COL11A1: variants seen among roughly 807,000 people sequenced by gnomAD.
The protein encoded by COL11A1 is collagen alpha-1(XI) chain.
A neutral mutation model predicts 265.2 loss-of-function variants in COL11A1; 74 were observed. The observed-to-expected ratio is 0.28, with a 90% CI of 0.23 to 0.34. The LOEUF is 0.34. Among genes scored for constraint, COL11A1 ranks in the 10% least tolerant of loss-of-function variants. COL11A1 has a pLI of 1.00. For synonymous variants in COL11A1, 816 were observed against 727.6 expected, an observed-to-expected ratio of 1.12 and a Z score of -1.96; for missense variants, 2,165 against 2,263.6, an observed-to-expected ratio of 0.96 and a Z score of 0.88.
intron 38 of COL11A1, among the ~76,000 whole-genome samples, chr1:102,965,198 G>T (rs1661290856): frequency 6.6e-6 from 1 of 152,004 alleles, no homozygotes; most frequent in Non-Finnish European, 1.5e-5. Context: ...TTAGTAGATG[G>T]TGTCATAGTC....
chr1:103,001,986 T>G lies in COL11A1; in HGVS notation c.2098-17A>C. 6.2e-7 allele frequency: 1 copy of G among 1,602,654 alleles called. No homozygotes were observed. The highest frequency in any genetic ancestry group is 8.5e-7 in the Non-Finnish European group (1 of 1,169,800). ...AGGAAGACCCTATTTTAAAAGAATT[T>G]ATTTCATATATCAGATATCAAATCA... is the stretch of plus-strand genomic sequence containing the variant. On this transcript the variant is annotated splice_polypyrimidine_tract_variant and intron_variant, in intron 23 of 66. Coordinates refer to ENST00000370096, the MANE Select transcript of COL11A1 (RefSeq NM_001854.4).
In COL11A1 at chr1:103,001,906, G is replaced by A; in HGVS notation, c.2142+19C>T. 6.2e-7 allele frequency: 1 copy of A among 1,611,976 alleles called. No individual in the cohort carries two copies. Among genetic ancestry groups the A allele is most frequent in the Non-Finnish European group, 8.5e-7 (1 of 1,178,180 alleles). ...CAAACATGTTCACCAGGCTTTACGAGAACAACAGAGTAACTTACTTTTTCA... is the reference window on the plus strand; with the variant it reads ...CAAACATGTTCACCAGGCTTTACGAAAACAACAGAGTAACTTACTTTTTCA... On this transcript the variant is annotated intron_variant, in intron 24 of 66. Coordinates refer to ENST00000370096, the MANE Select transcript of COL11A1 (RefSeq NM_001854.4).
chr1:102,911,269 T>C (rs1654638825), intron 54 of COL11A1, among the ~76,000 whole-genome samples: 1 of 152,160 alleles, frequency 6.6e-6, no homozygotes, highest in African/African-American at 2.4e-5. Context: ...TTTGTAAATA[T>C]TGATTCAAAT....
In COL11A1 at chr1:102,921,455, T is replaced by A. The variant is rs182349797; in HGVS notation, c.3708+63A>T. On this transcript the variant is annotated intron_variant, in intron 48 of 66. Coordinates refer to ENST00000370096, the MANE Select transcript of COL11A1 (RefSeq NM_001854.4). ...ATTGTTATAACTCACAAAGAGCATC[T>A]GCTATAAAATAACAATACCTATATA... 7.4e-5 allele frequency: 96 copies of A among 1,300,042 alleles called. 1 individual carries two copies. The Admixed American group carries it at 1.6e-3, about 21-fold the overall frequency. The allele number at this position is 1,300,042 out of a possible 1,614,324, so 80.5% of individuals were successfully genotyped here.
chr1:102,935,229 AG>A, intron 44 of COL11A1, 116 bp from the exon 45 acceptor site: 1 of 774,756 alleles, frequency 1.3e-6, no homozygotes, highest in South Asian at 1.6e-5. Context: ...TTGGAAAAAA[AG>A]AAGCATCACA....
chr1:103,018,786 T>C (rs761757182), intron 10 of COL11A1, 32 bp downstream of exon 10: 1 of 1,568,480 alleles, frequency 6.4e-7, no homozygotes, highest in Non-Finnish European at 8.8e-7. Context: ...TTACTTTAAA[T>C]AGACAAAAAT....
intron 57 of COL11A1, among the ~76,000 whole-genome samples, chr1:102,896,614 C>A (rs1332334919): frequency 1.3e-5 from 2 of 152,170 alleles, no homozygotes; most frequent in Non-Finnish European, 2.9e-5. Context: ...GTTTATCATT[C>A]CGCTTTACCT....
At chr1:102,979,848 C>T (rs937381678) in intron 31 of COL11A1, among the ~76,000 whole-genome samples, 1 of 151,992 alleles carries the variant, frequency 6.6e-6, no homozygotes, top group Non-Finnish European at 1.5e-5. Flanking sequence ...AATGTTTTTC[C>T]TGAATTAATA....
At chr1:103,103,745 G>A (rs1468324233) in intron 1 of COL11A1, among the ~76,000 whole-genome samples, 2 of 44,296 alleles carry the variant, frequency 4.5e-5, no homozygotes, top group African/African-American at 6.0e-5. Context: ...AATAGTTGTT[G>A]ATTGCACAAC....
chr1:102,928,179 A>C (rs567146284), intron 46 of COL11A1, among the ~76,000 whole-genome samples: 17 of 151,584 alleles, frequency 1.1e-4, no homozygotes, highest in South Asian at 4.2e-4. Context: ...ATACATGTGC[A>C]ATGCTGGTGT....
At chr1:103,069,193 T>C (rs1168831580) in intron 4 of COL11A1, among the ~76,000 whole-genome samples, 1 of 149,916 alleles carries the variant, frequency 6.7e-6, no homozygotes, top group East Asian at 1.9e-4. Context: ...AATCAAGATA[T>C]TATGGTAGTA....
rs200307064 is a variant in COL11A1, at chr1:102,987,743, G to T, written c.2395-3C>A. ...GGGCCAATTTGACCAACTTCTCCCTGAGGCACAGAATAACAACATTCTTAT... is the reference window on the plus strand; with the variant it reads ...GGGCCAATTTGACCAACTTCTCCCTTAGGCACAGAATAACAACATTCTTAT... On this transcript the variant is annotated splice_region_variant and splice_polypyrimidine_tract_variant and intron_variant, in intron 29 of 66. Transcript: ENST00000370096. 2.1e-5 allele frequency: 34 copies of T among 1,608,198 alleles called. No homozygotes were observed. Among genetic ancestry groups the T allele is most frequent in the African/African-American group, 2.7e-5 (2 of 74,850 alleles).
chr1:102,892,027 T>C (rs752654767), intron 57 of COL11A1, among the ~76,000 whole-genome samples: 1 of 152,124 alleles, frequency 6.6e-6, no homozygotes, highest in Non-Finnish European at 1.5e-5. Context: ...CTGTTGGAAG[T>C]GAAACTGATG....
At chr1:103,061,618 C>T (rs1346394465) in intron 4 of COL11A1, among the ~76,000 whole-genome samples, 2 of 151,928 alleles carry the variant, frequency 1.3e-5, no homozygotes, top group African/African-American at 2.4e-5. Context: ...ATACTTCTAA[C>T]TAATACATGG....
Position 102,878,475 on chromosome 1 carries a change from CAT to C in COL11A1, c.5275-312_5275-311del, listed in dbSNP as rs57574729. Among the ~76,000 whole-genome samples the C allele has an allele frequency of 3.0e-3, 148 of 49,864 alleles. 3 individuals are homozygous for C. The highest frequency in any genetic ancestry group is 6.6e-3 in the African/African-American group (120 of 18,192). The allele number at this position is 49,864 out of a possible 152,430, so 32.7% of individuals were successfully genotyped here. A position where few individuals can be genotyped will look rare whatever the true frequency, so the allele number is the denominator to read the frequency against. Reference sequence around the variant, plus strand: ...AAAATTGATGTTGGTATTGAATCCTCATATATATATATATATATATATATATA... The same window carrying C: ...AAAATTGATGTTGGTATTGAATCCTCATATATATATATATATATATATATA... On this transcript the variant is annotated intron_variant, in intron 66 of 66. Coordinates refer to ENST00000370096, the MANE Select transcript of COL11A1 (RefSeq NM_001854.4).
At chr1:102,882,051 A>G (rs190573627) in intron 64 of COL11A1, among the ~76,000 whole-genome samples, 2 of 152,244 alleles carry the variant, frequency 1.3e-5, no homozygotes, top group East Asian at 3.9e-4. Flanking sequence ...ACTAAGGGTT[A>G]TAGGGGACAT....
chr1:102,886,293 T>C (rs749878544), intron 63 of COL11A1, among the ~76,000 whole-genome samples: 1 of 152,158 alleles, frequency 6.6e-6, no homozygotes, highest in African/African-American at 2.4e-5. Flanking sequence ...TTGGAATATC[T>C]GTGGCTCAAT....
At chr1:103,009,251 T>G in intron 14 of COL11A1, among the ~76,000 whole-genome samples, 1 of 151,964 alleles carries the variant, frequency 6.6e-6, no homozygotes, top group Admixed American at 6.6e-5. Context: ...CCGTCTCTAC[T>G]AAAAATACAA....
intron 57 of COL11A1, among the ~76,000 whole-genome samples, chr1:102,895,217 C>T (rs991575119): frequency 1.3e-5 from 2 of 152,142 alleles, no homozygotes; most frequent in South Asian, 2.1e-4. Context: ...GTTTGTTTTA[C>T]TCTACCCCAA....
Sources: gnomAD v4.1 joint callset for allele counts (sites outside exome capture counted in the v4.1 genomes callset) on GRCh38, gnomAD v4.1.1 for gene constraint, MANE v1.5 for transcripts, NCBI Gene and HGNC (gene_info 2026-07-23, HGNC 2026-07-21) for gene names.